Variants in CAPZB observed in about 807,000 individuals in gnomAD.
CAPZB encodes capping actin protein of muscle Z-line subunit beta, also known as F-actin-capping protein subunit beta.
CAPZB carries 2 observed loss-of-function variants against 38.1 expected under a neutral mutation model. The observed-to-expected ratio is 0.05, with a 90% CI of 0.02 to 0.17. The LOEUF (loss-of-function observed/expected upper bound fraction) is 0.17, where lower values mean the gene tolerates loss of function less well. CAPZB is among the 10% of genes least tolerant of loss of function. CAPZB has a pLI of 1.00. For missense variants in CAPZB, 161 were observed against 334.2 expected (o/e 0.48, Z 4.04); for synonymous variants, 107 against 127.4 (o/e 0.84, Z 1.08).
At chr1:19,387,833 A>G (rs548162264) in intron 2 of CAPZB, among the ~76,000 whole-genome samples, 1 of 152,338 alleles carries the variant, frequency 6.6e-6, no homozygotes, top group African/African-American at 2.4e-5. Context: ...ACATGACACA[A>G]TGCATTCCGT....
chr1:19,419,394 G>A (rs1165983017), intron 2 of CAPZB, among the ~76,000 whole-genome samples: 2 of 152,174 alleles, frequency 1.3e-5, no homozygotes, highest in Non-Finnish European at 2.9e-5. Flanking sequence ...TCTAGAAACT[G>A]AAGACAAGGC....
At chr1:19,348,615 G>T (rs184853938) in intron 6 of CAPZB, among the ~76,000 whole-genome samples, 1 of 152,106 alleles carries the variant, frequency 6.6e-6, no homozygotes, top group Non-Finnish European at 1.5e-5. Context: ...GATGGCAGAG[G>T]GGGGACCGAG....
chr1:19,480,905 A>G (rs191898764), intron 1 of CAPZB, among the ~76,000 whole-genome samples: 125 of 152,322 alleles, frequency 8.2e-4, no homozygotes, highest in African/African-American at 2.8e-3. Flanking sequence ...CAATTCCTCC[A>G]CTTAGTAGCT....
At chr1:19,457,303 T>C (rs116779160) in intron 1 of CAPZB, among the ~76,000 whole-genome samples, 1,946 of 152,236 alleles carry the variant, frequency 0.013, 19 homozygotes, top group Non-Finnish European at 0.017. Context: ...GACACAGACA[T>C]CACCAGTGGG....
chr1:19,357,692 T>C lies in CAPZB; in HGVS notation c.330-129A>G, dbSNP rs2094029255. 2.4e-6 allele frequency: 2 copies of C among 826,504 alleles called. No individual in the cohort carries two copies. Among genetic ancestry groups the C allele is most frequent in the Non-Finnish European group, 3.9e-6 (2 of 518,312 alleles). The allele number at this position is 826,504 out of a possible 1,614,324, so 51.2% of individuals were successfully genotyped here. On this transcript the variant is annotated intron_variant, in intron 4 of 8. Transcript: ENST00000264202. This position sits in a 1 kb window ranked among gnomAD's most constrained non-coding sequence, Gnocchi z 4.3. ...CTGCGACAGTTATGGGAGCCGATCC[T>C]TGGGTGTGTTCTGATCGTTCTGTGG...
At chr1:19,439,369 A>G (rs2094468366) in intron 1 of CAPZB, among the ~76,000 whole-genome samples, 1 of 152,250 alleles carries the variant, frequency 6.6e-6, no homozygotes, top group Admixed American at 6.5e-5. Context: ...TCAATTATTA[A>G]TAGTAAAGTA....
chr1:19,431,120 G>A (rs1216580402), intron 1 of CAPZB, among the ~76,000 whole-genome samples: 1 of 152,158 alleles, frequency 6.6e-6, no homozygotes, highest in Non-Finnish European at 1.5e-5. Flanking sequence ...AATGGCAAAT[G>A]AACCATGACC....
intron 3 of CAPZB, among the ~76,000 whole-genome samples, chr1:19,379,580 A>T (rs2094162994): frequency 6.6e-6 from 1 of 152,234 alleles, no homozygotes; most frequent in Non-Finnish European, 1.5e-5. Flanking sequence ...AAACCTGAGC[A>T]ATCAGGTTCT....
intron 2 of CAPZB, among the ~76,000 whole-genome samples, chr1:19,392,344 CAG>C (rs1364776075): frequency 1.3e-5 from 2 of 151,798 alleles, no homozygotes; most frequent in Non-Finnish European, 2.9e-5. Flanking sequence ...GGAAAAATAA[CAG>C]GGGCATCCCA....
intron 4 of CAPZB, among the ~76,000 whole-genome samples, chr1:19,370,883 C>T (rs990773640): frequency 2.0e-5 from 3 of 152,316 alleles, no homozygotes; most frequent in South Asian, 2.1e-4. Context: ...ACCCAGCTCT[C>T]ATTCCTTTGC....
intron 8 of CAPZB, chr1:19,342,868 CAG>C (rs545003554): frequency 8.6e-5 from 134 of 1,562,664 alleles, no homozygotes; most frequent in South Asian, 5.0e-4. Context: ...AATAGATCTA[CAG>C]AGAGTGTTCA....
chr1:19,389,576 T>C (rs10733035), intron 2 of CAPZB, among the ~76,000 whole-genome samples: 96,980 of 151,378 alleles, frequency 0.64, 31,234 homozygotes, highest in African/African-American at 0.71. Flanking sequence ...TACAGGTGTG[T>C]GCCACCACGC....
At position 19,357,699 on chromosome 1, in the gene CAPZB, T is replaced by C; in HGVS notation, c.330-136A>G. The C allele has an allele frequency of 1.3e-6, 1 of 766,036 alleles. No individual in the cohort carries two copies. The highest frequency in any genetic ancestry group is 2.8e-5 in the Admixed American group (1 of 36,180). 47.5% of individuals were successfully genotyped at this position (766,036 alleles called of 1,614,324 possible). Reference sequence around the variant, plus strand: ...AGTTATGGGAGCCGATCCTTGGGTGTGTTCTGATCGTTCTGTGGCTGGGGG... The same window carrying C: ...AGTTATGGGAGCCGATCCTTGGGTGCGTTCTGATCGTTCTGTGGCTGGGGG... On this transcript the variant is annotated intron_variant, in intron 4 of 8. Transcript: ENST00000264202. This position sits in a 1 kb window ranked among gnomAD's most constrained non-coding sequence, Gnocchi z 4.3.
At chr1:19,484,412 C>T in intron 1 of CAPZB, 1 of 1,522,004 alleles carries the variant, frequency 6.6e-7, no homozygotes, top group Non-Finnish European at 8.8e-7. Flanking sequence ...CAGGCCCGGG[C>T]GCCGTGGACC....
At chr1:19,346,574 T>G (rs2093962100) in intron 6 of CAPZB, among the ~76,000 whole-genome samples, 1 of 150,800 alleles carries the variant, frequency 6.6e-6, no homozygotes, top group Non-Finnish European at 1.5e-5. Flanking sequence ...GGGTGGAGTC[T>G]GGGGGGAGAT....
At chr1:19,348,768 GGC>G (rs60575793) in intron 6 of CAPZB, among the ~76,000 whole-genome samples, 7,925 of 135,498 alleles carry the variant, frequency 0.058, 472 homozygotes, top group African/African-American at 0.12. Context: ...AAGGGGGGGG[GGC>G]GGTCTAGGTG....
intron 1 of CAPZB, among the ~76,000 whole-genome samples, chr1:19,483,632 G>C (rs979516324): frequency 4.6e-5 from 7 of 152,200 alleles, no homozygotes; most frequent in African/African-American, 1.7e-4. Context: ...GAGAATCGCT[G>C]CTTCCTGCCT....
chr1:19,342,628 G>T, intron 8 of CAPZB: 1 of 674,868 alleles, frequency 1.5e-6, no homozygotes, highest in Middle Eastern at 3.9e-4. Context: ...CACCGACCGG[G>T]AGCACACGTG....
intron 1 of CAPZB, among the ~76,000 whole-genome samples, chr1:19,445,801 T>C (rs2094493919): frequency 1.3e-5 from 2 of 152,150 alleles, no homozygotes; most frequent in South Asian, 4.1e-4. Context: ...CTCTGTAAAT[T>C]TCCTAAAAAT....
Sources: gnomAD v4.1 joint callset for allele counts (sites outside exome capture counted in the v4.1 genomes callset) on GRCh38, gnomAD v4.1.1 for gene constraint, Gnocchi (gnomAD v3.1) non-coding constraint, MANE v1.5 for transcripts, NCBI Gene and HGNC (gene_info 2026-07-23, HGNC 2026-07-21) for gene names.